TMC1: variants seen among roughly 807,000 people sequenced by gnomAD.
TMC1 encodes transmembrane channel-like protein 1.
TMC1 carries 84 observed loss-of-function variants against 105.8 expected under a neutral mutation model. The observed-to-expected ratio is 0.79, with a 90% CI of 0.67 to 0.95. The LOEUF (loss-of-function observed/expected upper bound fraction) is 0.95, where lower values mean the gene tolerates loss of function less well. Among genes scored for constraint, TMC1 ranks in the 40% least tolerant of loss-of-function variants. The probability of loss-of-function intolerance (pLI) is 0.00; values close to 1 mark genes in which losing one functional copy is unlikely to be tolerated. For missense variants in TMC1, 817 were observed against 914.1 expected, an observed-to-expected ratio of 0.89 and a Z score of 1.37; for synonymous variants, 315 against 311.5, an observed-to-expected ratio of 1.01 and a Z score of -0.12.
Position 72,792,422 on chromosome 9 carries a change from G to T in TMC1, c.1566+70G>T, listed in dbSNP as rs1828288762. Reference sequence around the variant, plus strand: ...AAGAGAGTCAATATCTCTTCCATAAGATTGGCTTTTAAAAAATTGCTTATT... The same window carrying T: ...AAGAGAGTCAATATCTCTTCCATAATATTGGCTTTTAAAAAATTGCTTATT... On this transcript the variant is annotated intron_variant, in intron 17 of 23. Transcript: ENST00000297784. 3.1e-5 allele frequency: 50 copies of T among 1,590,738 alleles called. No homozygotes were observed. The South Asian group carries it at 5.3e-4, about 17-fold the overall frequency.
At chr9:72,814,231 C>T (rs555251583) in intron 18 of TMC1, among the ~76,000 whole-genome samples, 3 of 152,212 alleles carry the variant, frequency 2.0e-5, no homozygotes, top group African/African-American at 2.4e-5. Context: ...CAGATGGGTA[C>T]GGGCCAACCG....
At chr9:72,668,378 A>T (rs1386997271) in intron 5 of TMC1, among the ~76,000 whole-genome samples, 1 of 152,176 alleles carries the variant, frequency 6.6e-6, no homozygotes, top group Non-Finnish European at 1.5e-5. Context: ...CTTCAGCTGA[A>T]CCACACAGCC....
In TMC1 at chr9:72,789,333, C is replaced by CT. The variant is rs1263294903; in HGVS notation, c.1224+21dup. ...AAAAAATGAAGTTCGTCTCTGCATGCTTTTTATGTGCTTAGAACCTGACAT... is the reference window on the plus strand; with the variant it reads ...AAAAAATGAAGTTCGTCTCTGCATGCTTTTTTATGTGCTTAGAACCTGACAT... On this transcript the variant is annotated intron_variant, in intron 15 of 23. Transcript: ENST00000297784. 1.2e-6 allele frequency: 2 copies of CT among 1,610,600 alleles called. No homozygotes were observed. Among genetic ancestry groups the CT allele is most frequent in the Non-Finnish European group, 1.7e-6 (2 of 1,176,938 alleles).
At chr9:72,796,579 A>C (rs1027483311) in intron 17 of TMC1, among the ~76,000 whole-genome samples, 1 of 152,214 alleles carries the variant, frequency 6.6e-6, no homozygotes, top group African/African-American at 2.4e-5. Flanking sequence ...TATGCAAAAC[A>C]ATAAATGTGA....
intron 12 of TMC1, among the ~76,000 whole-genome samples, chr9:72,761,856 G>A (rs1418425294): frequency 1.3e-5 from 2 of 152,196 alleles, no homozygotes; most frequent in African/African-American, 2.4e-5. Flanking sequence ...ACAGGTAGAG[G>A]AGATATTTTG....
rs568155753 is a variant in TMC1 at position 72,538,488 on chromosome 9, G to A, written c.-428+16575G>A. 4.6e-5 allele frequency among the ~76,000 whole-genome samples: 7 copies of A among 151,984 alleles called. No homozygotes were observed. The East Asian group carries it at 1.2e-3, about 25-fold the overall frequency. On this transcript the variant is annotated intron_variant, in intron 1 of 23. Transcript: ENST00000297784. ...GCCTTGCTCTGTCATCCAGGCTGGA[G>A]TGCAGTGGCACGATCTCGGCTCACT...
intron 12 of TMC1, among the ~76,000 whole-genome samples, chr9:72,758,770 T>C (rs1235094993): frequency 1.3e-5 from 2 of 152,192 alleles, no homozygotes; most frequent in African/African-American, 4.8e-5. Flanking sequence ...GAAGACAGAA[T>C]CTAAATTTCT....
chr9:72,598,670 G>C (rs968003077), intron 2 of TMC1, among the ~76,000 whole-genome samples: 2 of 152,106 alleles, frequency 1.3e-5, no homozygotes, highest in African/African-American at 2.4e-5. Flanking sequence ...TGCTAGGAAG[G>C]CCCAACTAAT....
At chr9:72,694,417 C>T (rs554818355) in intron 6 of TMC1, 126 bp from the exon 7 acceptor site, 24 of 769,764 alleles carry the variant, frequency 3.1e-5, no homozygotes, top group Middle Eastern at 3.5e-4. Context: ...CATCCCATCA[C>T]GATGTGGAGA....
At chr9:72,825,019 T>C (rs1369496730) in intron 20 of TMC1, among the ~76,000 whole-genome samples, 5 of 152,256 alleles carry the variant, frequency 3.3e-5, no homozygotes, top group African/African-American at 1.2e-4. Context: ...ATTATATTGG[T>C]CATTTGCAAT....
intron 10 of TMC1, among the ~76,000 whole-genome samples, chr9:72,747,787 G>C (rs186300787): frequency 6.6e-6 from 1 of 152,150 alleles, no homozygotes; most frequent in East Asian, 1.9e-4. Context: ...GTAGAGACGG[G>C]GTTTCAACAT....
chr9:72,663,233 G>A (rs942488790), intron 5 of TMC1, among the ~76,000 whole-genome samples: 5 of 152,288 alleles, frequency 3.3e-5, no homozygotes, highest in African/African-American at 9.6e-5. Flanking sequence ...CCTGCTTAGC[G>A]GAGGTGTTAG....
chr9:72,633,071 T>TGAGA (rs1404551852), intron 4 of TMC1, among the ~76,000 whole-genome samples: 2 of 151,928 alleles, frequency 1.3e-5, no homozygotes, highest in African/African-American at 4.8e-5. Context: ...TTTTGGTCAC[T>TGAGA]GAGAGATGAT....
At chr9:72,813,380 G>C (rs1372558610) in intron 18 of TMC1, among the ~76,000 whole-genome samples, 3 of 152,086 alleles carry the variant, frequency 2.0e-5, no homozygotes, top group African/African-American at 7.2e-5. Context: ...TTTAAAGTGA[G>C]AGCTTCTGTG....
intron 17 of TMC1, among the ~76,000 whole-genome samples, chr9:72,798,248 CA>C: frequency 6.6e-6 from 1 of 152,058 alleles, no homozygotes; most frequent in African/African-American, 2.4e-5. Flanking sequence ...GAAAAAGGAA[CA>C]TTTATACACT....
intron 2 of TMC1, among the ~76,000 whole-genome samples, chr9:72,614,201 A>C (rs1825084074): frequency 1.3e-5 from 2 of 152,142 alleles, no homozygotes; most frequent in Admixed American, 1.3e-4. Context: ...GTTTGTGTCC[A>C]GTTTGAAGAA....
intron 1 of TMC1, among the ~76,000 whole-genome samples, chr9:72,557,469 T>C (rs1013118593): frequency 3.3e-5 from 5 of 152,254 alleles, no homozygotes; most frequent in African/African-American, 9.6e-5. Flanking sequence ...TAAAAAACTT[T>C]CTGTTCTTTC....
intron 1 of TMC1, among the ~76,000 whole-genome samples, chr9:72,529,969 A>C (rs964824885): frequency 1.3e-5 from 2 of 152,188 alleles, no homozygotes; most frequent in African/African-American, 4.8e-5. Context: ...AGATTTTGTC[A>C]GTGAAGGTCA....
chr9:72,606,996 T>TAGAGAG (rs757833291), intron 2 of TMC1, among the ~76,000 whole-genome samples: 4,027 of 99,612 alleles, frequency 0.04, 65 homozygotes, highest in East Asian at 0.081. Context: ...TATATATATA[T>TAGAGAG]ATATATAGAG....
Sources: allele counts gnomAD v4.1 joint callset (sites outside exome capture counted in the v4.1 genomes callset), GRCh38; gene constraint gnomAD v4.1.1; transcripts MANE v1.5; gene names NCBI Gene and HGNC (gene_info 2026-07-23, HGNC 2026-07-21).